The following CTNNA1 variants were observed in gnomAD, a reference collection of about 807,000 sequenced individuals.
CTNNA1 encodes the protein catenin alpha-1.
Under a neutral mutation model 98.4 loss-of-function variants are expected in CTNNA1, and 37 were observed. That is an observed-to-expected ratio of 0.38 (90% CI 0.29 to 0.49). The LOEUF is 0.49. CTNNA1 is among the 20% of genes least tolerant of loss of function. CTNNA1 has a pLI of 0.95. For synonymous variants in CTNNA1, 404 were observed against 413.2 expected (o/e 0.98, Z 0.27); for missense variants, 761 against 1,147.2 (o/e 0.66, Z 4.86).
chr5:138,875,673 G>A (rs560626212), intron 7 of CTNNA1: 3 of 985,422 alleles, frequency 3.0e-6, no homozygotes. Flanking sequence ...TGCATAGAGA[G>A]ATCATCTAAA....
intron 11 of CTNNA1, among the ~76,000 whole-genome samples, chr5:138,923,146 G>T (rs572552931): frequency 6.6e-6 from 1 of 152,242 alleles, no homozygotes; most frequent in South Asian, 2.1e-4. Flanking sequence ...AGCAATGCAA[G>T]TTTCATCTTA....
At chr5:138,916,948 AT>A (rs1481317465) in intron 10 of CTNNA1, among the ~76,000 whole-genome samples, 1 of 151,244 alleles carries the variant, frequency 6.6e-6, no homozygotes, top group Non-Finnish European at 1.5e-5. Flanking sequence ...CCAATTTTGT[AT>A]TTTTAGTAGA....
intron 7 of CTNNA1, among the ~76,000 whole-genome samples, chr5:138,866,655 G>A (rs908219176): frequency 6.6e-6 from 1 of 152,132 alleles, no homozygotes; most frequent in African/African-American, 2.4e-5. Flanking sequence ...CATATATAGA[G>A]GGTAGTATTT....
At chr5:138,843,604 G>A (rs1285177052) in intron 7 of CTNNA1, among the ~76,000 whole-genome samples, 1 of 152,178 alleles carries the variant, frequency 6.6e-6, no homozygotes, top group African/African-American at 2.4e-5. Context: ...AATGGAAACT[G>A]AAAAAGGAAA....
intron 16 of CTNNA1, 188 bp downstream of exon 16, chr5:138,931,123 TC>T (rs1471608441): frequency 1.7e-6 from 1 of 581,496 alleles, no homozygotes; most frequent in African/African-American, 1.9e-5. Context: ...CCTGGAATCT[TC>T]CATCGCTTGG....
intron 1 of CTNNA1, among the ~76,000 whole-genome samples, chr5:138,760,517 A>G (rs1752237519): frequency 6.6e-6 from 1 of 151,428 alleles, no homozygotes; most frequent in South Asian, 2.1e-4. Context: ...GGTGTGCGCC[A>G]CTACCACCCG....
intron 3 of CTNNA1, among the ~76,000 whole-genome samples, chr5:138,798,571 G>A (rs191680671): frequency 1.4e-3 from 206 of 152,180 alleles, no homozygotes; most frequent in African/African-American, 4.7e-3. Flanking sequence ...GCTTTCAGGG[G>A]AATTTACTCA....
chr5:138,850,336 A>C (rs1191960370), intron 7 of CTNNA1, among the ~76,000 whole-genome samples: 1 of 152,152 alleles, frequency 6.6e-6, no homozygotes, highest in African/African-American at 2.4e-5. Flanking sequence ...AATTGCAATG[A>C]ACTCTATGAA....
intron 9 of CTNNA1, among the ~76,000 whole-genome samples, chr5:138,889,110 G>C (rs1754773551): frequency 6.6e-6 from 1 of 152,180 alleles, no homozygotes; most frequent in African/African-American, 2.4e-5. Flanking sequence ...GATACACACA[G>C]ATTGCGCTCA....
intron 9 of CTNNA1, among the ~76,000 whole-genome samples, chr5:138,890,885 G>A (rs1755198246): frequency 6.6e-6 from 1 of 152,120 alleles, no homozygotes; most frequent in South Asian, 2.1e-4. Context: ...TTCCTCACAG[G>A]AATCCAGGAC....
intron 1 of CTNNA1, among the ~76,000 whole-genome samples, chr5:138,767,169 A>G (rs1205289327): frequency 1.3e-5 from 2 of 152,030 alleles, no homozygotes; most frequent in South Asian, 2.1e-4. Flanking sequence ...CCGAGTAGCT[A>G]GGACTACAGG....
At chr5:138,833,374 T>C (rs926418473) in intron 7 of CTNNA1, among the ~76,000 whole-genome samples, 2 of 152,232 alleles carry the variant, frequency 1.3e-5, no homozygotes, top group African/African-American at 4.8e-5. Flanking sequence ...GCACTTGAAA[T>C]GTGACAAGTC....
At chr5:138,774,230 G>T (rs183643746) in intron 1 of CTNNA1, among the ~76,000 whole-genome samples, 576 of 152,202 alleles carry the variant, frequency 3.8e-3, no homozygotes, top group Non-Finnish European at 6.5e-3. Flanking sequence ...TCGCTATGTT[G>T]CCCAGGCTGG....
intron 3 of CTNNA1, among the ~76,000 whole-genome samples, chr5:138,784,818 A>G (rs532234683): frequency 6.6e-6 from 1 of 152,028 alleles, no homozygotes; most frequent in East Asian, 1.9e-4. Flanking sequence ...ATGTTACTCC[A>G]GTCTCTGCCT....
intron 7 of CTNNA1, among the ~76,000 whole-genome samples, chr5:138,829,367 T>C (rs888950298): frequency 6.6e-6 from 1 of 152,218 alleles, no homozygotes; most frequent in Non-Finnish European, 1.5e-5. Context: ...AGTCATCTGC[T>C]ATCATGGGTA....
At chr5:138,840,523 A>G (rs1762186620) in intron 7 of CTNNA1, among the ~76,000 whole-genome samples, 1 of 152,236 alleles carries the variant, frequency 6.6e-6, no homozygotes, top group African/African-American at 2.4e-5. Context: ...TTTTTGGCCC[A>G]AGGAGTAGGC....
At chr5:138,923,487 C>T (rs1402646830) in intron 11 of CTNNA1, among the ~76,000 whole-genome samples, 1 of 152,138 alleles carries the variant, frequency 6.6e-6, no homozygotes, top group Non-Finnish European at 1.5e-5. Flanking sequence ...AGAATTCTTA[C>T]TGTTTCCTGG....
intron 1 of CTNNA1, among the ~76,000 whole-genome samples, chr5:138,764,098 T>G (rs1048048727): frequency 2.0e-5 from 3 of 152,190 alleles, no homozygotes; most frequent in African/African-American, 7.2e-5. Context: ...GGCAGGAGAA[T>G]TGCTTGAACC....
In CTNNA1 at chr5:138,783,229, G is replaced by A; in HGVS notation, c.158G>A (p.Gly53Asp). The A allele has an allele frequency of 1.2e-6, 2 of 1,613,694 alleles. No homozygotes were observed. Among genetic ancestry groups the A allele is most frequent in the Non-Finnish European group, 8.5e-7 (1 of 1,179,810 alleles). Residue 53 changes from glycine (G) to aspartate (D), a missense_variant, in exon 3 of 18, where the codon GGT becomes GAT. Coordinates refer to ENST00000302763, the MANE Select transcript of CTNNA1 (RefSeq NM_001903.5). ...AAAGGGCCCTCTAATAAGAAGAGAG[G>A]TCGTTCTAAGAAGGCCCATGTTTTG... is the stretch of plus-strand genomic sequence containing the variant. ...NSKGPSNKKR[G>D]RSKKAHVLAA...
Sources: gnomAD v4.1 joint callset for allele counts (sites outside exome capture counted in the v4.1 genomes callset) on GRCh38, gnomAD v4.1.1 for gene constraint, MANE v1.5 for transcripts, NCBI Gene and HGNC (gene_info 2026-07-23, HGNC 2026-07-21) for gene names.